FBXW2: variants seen among roughly 807,000 people sequenced by gnomAD.
FBXW2 encodes the protein F-box and WD repeat domain containing 2.
A neutral mutation model predicts 46.0 loss-of-function variants in FBXW2; 12 were observed. The ratio of observed to expected loss-of-function variants is 0.26; its 90% CI spans 0.17 to 0.42. FBXW2 has a LOEUF of 0.42. Ranked by LOEUF, FBXW2 falls within the 10% of genes least tolerant of loss-of-function variation. FBXW2 has a pLI of 1.00. For synonymous variants in FBXW2, 203 were observed against 209.6 expected, an observed-to-expected ratio of 0.97 and a Z score of 0.27; for missense variants, 360 against 537.0, an observed-to-expected ratio of 0.67 and a Z score of 3.26.
Position 120,793,410 on chromosome 9 carries a change from GCTGC to G in FBXW2, c.-190_-187del, listed in dbSNP as rs2044901105. The G allele has an allele frequency of 5.0e-6, 2 of 398,974 alleles. No homozygotes were observed. The highest frequency in any genetic ancestry group is 4.1e-5 in the African/African-American group (2 of 48,746). The allele number at this position is 398,974 out of a possible 1,614,324, so 24.7% of individuals were successfully genotyped here. The stretch of plus-strand genomic sequence containing the variant: ...GCCTCACAGGGGAGCGGCTTCCGGT[GCTGC>G]CTGCGTCATCTCCGCGCGTCCCTCA... On this transcript the variant is annotated 5_prime_UTR_variant, in exon 1 of 8. Coordinates refer to ENST00000608872, the MANE Select transcript of FBXW2 (RefSeq NM_012164.4).
At chr9:120,787,681 T>C (rs1588050684) in intron 3 of FBXW2, 88 bp downstream of exon 3, 4 of 1,405,166 alleles carry the variant, frequency 2.8e-6, no homozygotes, top group East Asian at 4.6e-5. Context: ...TAATCAACAC[T>C]TGTCATTCTC....
intron 5 of FBXW2, among the ~76,000 whole-genome samples, chr9:120,774,253 C>T (rs182286425): frequency 1.3e-5 from 2 of 149,482 alleles, no homozygotes; most frequent in East Asian, 4.0e-4. Context: ...AGGAGAATCA[C>T]TTGAACCCGG....
chr9:120,771,717 C>A (rs1027158361), intron 6 of FBXW2, among the ~76,000 whole-genome samples, 200 bp from the exon 7 acceptor site: 5 of 152,124 alleles, frequency 3.3e-5, no homozygotes, highest in African/African-American at 1.2e-4. Flanking sequence ...TCTCTTAACT[C>A]CAGCTCCTGC....
rs1250243141 is a variant in FBXW2, at chr9:120,761,189, A to G, written c.*3370T>C. ...GTATTACTTCAAATGATTGAGCTGGAGGAAACTACATTCCTTTGGAATGAT... is the reference window on the plus strand; with the variant it reads ...GTATTACTTCAAATGATTGAGCTGGGGGAAACTACATTCCTTTGGAATGAT... On this transcript the variant is annotated 3_prime_UTR_variant, in exon 8 of 8. Transcript: ENST00000608872. 1.3e-5 allele frequency: 2 copies of G among 152,198 alleles called. No homozygotes were observed. Among genetic ancestry groups the G allele is most frequent in the African/African-American group, 4.8e-5 (2 of 41,446 alleles). 9.4% of individuals were successfully genotyped at this position (152,198 alleles called of 1,614,324 possible). A position where few individuals can be genotyped will look rare whatever the true frequency, so the allele number is the denominator to read the frequency against.
Position 120,760,303 on chromosome 9 carries a change from C to T in FBXW2, c.*4256G>A, listed in dbSNP as rs2044177578. ...GAGAAAGGCAAGTGGCTTCATACAC[C>T]AAGGCCCAGAGGAAGAGGCACAGAA... is the stretch of plus-strand genomic sequence containing the variant. On this transcript the variant is annotated 3_prime_UTR_variant, in exon 8 of 8. Coordinates refer to ENST00000608872, the MANE Select transcript of FBXW2 (RefSeq NM_012164.4). The T allele has an allele frequency of 6.6e-6, 1 of 152,288 alleles. No homozygotes were observed. The highest frequency in any genetic ancestry group is 2.4e-5 in the African/African-American group (1 of 41,438). The allele number at this position is 152,288 out of a possible 1,614,324, so 9.4% of individuals were successfully genotyped here. A position where few individuals can be genotyped will look rare whatever the true frequency, so the allele number is the denominator to read the frequency against.
At chr9:120,788,333 G>A in intron 2 of FBXW2, 55 bp from the exon 3 acceptor site, 1 of 1,483,606 alleles carries the variant, frequency 6.7e-7, no homozygotes, top group East Asian at 2.3e-5. Flanking sequence ...GTTCAAGCAA[G>A]ACTGCTAACA....
chr9:120,776,660 A>G (rs1275481940), intron 4 of FBXW2: 1 of 154,488 alleles, frequency 6.5e-6, no homozygotes. Flanking sequence ...AGAAAACCCA[A>G]TGTAAAGAGA....
chr9:120,793,346 A>G lies in FBXW2; in HGVS notation c.-130+8T>C, dbSNP rs2044896892. On this transcript the variant is annotated splice_region_variant and intron_variant, in intron 1 of 7. Coordinates refer to ENST00000608872, the MANE Select transcript of FBXW2 (RefSeq NM_012164.4). ...CCCTCCCCGACCGGCCCCGCCTCGC[A>G]TACAGACCCGGACCTGCGGCCGCTG... 2.4e-6 allele frequency: 1 copy of G among 418,500 alleles called. No homozygotes were observed. The highest frequency in any genetic ancestry group is 4.3e-5 in the Admixed American group (1 of 23,238). 25.9% of individuals were successfully genotyped at this position (418,500 alleles called of 1,614,324 possible).
rs531460123 is a variant in FBXW2, at chr9:120,758,895, A to G, written c.*5664T>C. On this transcript the variant is annotated 3_prime_UTR_variant, in exon 8 of 8. Transcript: ENST00000608872. The stretch of plus-strand genomic sequence containing the variant: ...GAAGACTATTCCAAGGTCTGGAAGC[A>G]AAATGGGACTTTTACCCACCCCATC... 9.7e-4 allele frequency: 148 copies of G among 152,364 alleles called. 3 individuals are homozygous for G. The highest frequency in any genetic ancestry group is 3.3e-3 in the African/African-American group (138 of 41,580). 9.4% of individuals were successfully genotyped at this position (152,364 alleles called of 1,614,324 possible). A position where few individuals can be genotyped will look rare whatever the true frequency, so the allele number is the denominator to read the frequency against.
In FBXW2 at chr9:120,771,657, C is replaced by T. The variant is rs536600341; in HGVS notation, c.907-140G>A. On this transcript the variant is annotated intron_variant, in intron 6 of 7. Coordinates refer to ENST00000608872, the MANE Select transcript of FBXW2 (RefSeq NM_012164.4). ...CCCCAGGTTTTATAGCCAAGAATCA[C>T]AGGTTCAAGTCTTAATTCTCCTGTG... 9.4e-5 allele frequency: 63 copies of T among 672,916 alleles called. 1 individual carries two copies. The South Asian group carries it at 1.2e-3, about 13-fold the overall frequency. 41.7% of individuals were successfully genotyped at this position (672,916 alleles called of 1,614,324 possible).
intron 3 of FBXW2, among the ~76,000 whole-genome samples, chr9:120,780,420 G>A (rs141071913): frequency 5.3e-5 from 8 of 151,280 alleles, no homozygotes; most frequent in East Asian, 3.9e-4. Flanking sequence ...TGTCAAAAAT[G>A]TCATTTGAAC....
Position 120,772,825 on chromosome 9 carries a change from A to G in FBXW2, c.835T>C (p.Cys279Arg). ...CTGTGCAAGAGAGACTTGACTTTGC[A>G]CTTCTGCAAAACTACCTGCAAATGT... ...EWVTKVVLQK[C>R]KVKSLLHSPG... Residue 279 changes from cysteine (C) to arginine (R), a missense_variant, in exon 6 of 8, where the codon TGC becomes CGC. Coordinates refer to ENST00000608872, the MANE Select transcript of FBXW2 (RefSeq NM_012164.4). The G allele has an allele frequency of 6.2e-7, 1 of 1,612,126 alleles. No homozygotes were observed. Among genetic ancestry groups the G allele is most frequent in the South Asian group, 1.1e-5 (1 of 90,874 alleles).
intron 3 of FBXW2, among the ~76,000 whole-genome samples, chr9:120,781,331 A>G (rs538454599): frequency 6.6e-6 from 1 of 152,314 alleles, no homozygotes; most frequent in South Asian, 2.1e-4. Flanking sequence ...ATAAAGAACT[A>G]TTTGGAATCA....
intron 5 of FBXW2, among the ~76,000 whole-genome samples, chr9:120,774,261 C>T (rs1327274140): frequency 2.6e-5 from 4 of 151,190 alleles, no homozygotes; most frequent in South Asian, 2.1e-4. Flanking sequence ...CACTTGAACC[C>T]GGCAGATGGA....
At chr9:120,776,522 G>A (rs780272488) in intron 4 of FBXW2, 11 of 313,090 alleles carry the variant, frequency 3.5e-5, no homozygotes, top group Non-Finnish European at 6.0e-5. Flanking sequence ...AGGACTGCCT[G>A]CCTGACACTA....
In FBXW2 at chr9:120,764,523, G is replaced by A; in HGVS notation, c.*36C>T. 1.3e-6 allele frequency: 2 copies of A among 1,589,304 alleles called. No homozygotes were observed. Among genetic ancestry groups the A allele is most frequent in the South Asian group, 2.2e-5 (2 of 89,294 alleles). ...GTTGCACCCAAAACCCGCAGCCCCG[G>A]CACCCAAAGTCAGTCAGCGGTGGTG... On this transcript the variant is annotated 3_prime_UTR_variant, in exon 8 of 8. Transcript: ENST00000608872.
At chr9:120,778,073 G>A (rs994511905) in intron 4 of FBXW2, among the ~76,000 whole-genome samples, 1 of 151,770 alleles carries the variant, frequency 6.6e-6, no homozygotes, top group Non-Finnish European at 1.5e-5. Flanking sequence ...CAGGAGGGGG[G>A]AGAGAGAGAA....
intron 6 of FBXW2, 36 bp downstream of exon 6, chr9:120,772,718 C>A (rs1474741463): frequency 7.1e-7 from 1 of 1,402,710 alleles, no homozygotes; most frequent in Non-Finnish European, 9.7e-7. Flanking sequence ...TCCAGTTTTT[C>A]TTTAATGAAG....
rs982262453 is a variant in FBXW2, at chr9:120,764,906, C to G, written c.1077-59G>C. 196 of 1,321,454 alleles carry G rather than the reference C, an allele frequency of 1.5e-4. 1 individual carries two copies. Among genetic ancestry groups the G allele is most frequent in the Non-Finnish European group, 1.4e-4 (134 of 968,316 alleles). 81.9% of individuals were successfully genotyped at this position (1,321,454 alleles called of 1,614,324 possible). A position where few individuals can be genotyped will look rare whatever the true frequency, so the allele number is the denominator to read the frequency against. On this transcript the variant is annotated intron_variant, in intron 7 of 7. Coordinates refer to ENST00000608872, the MANE Select transcript of FBXW2 (RefSeq NM_012164.4). ...GGCAACCTTGCTTCTGTTTATGCTA[C>G]TGTAATCTTTTCTGGAGATATTTAA...
Sources: allele counts gnomAD v4.1 joint callset (sites outside exome capture counted in the v4.1 genomes callset), GRCh38; gene constraint gnomAD v4.1.1; transcripts MANE v1.5; gene names NCBI Gene and HGNC (gene_info 2026-07-23, HGNC 2026-07-21).